RBMS3: variants seen among roughly 807,000 people sequenced by gnomAD.
The protein encoded by RBMS3 is RNA-binding motif, single-stranded-interacting protein 3.
Under a neutral mutation model 66.8 loss-of-function variants are expected in RBMS3, and 27 were observed. That is an observed-to-expected ratio of 0.40 (90% confidence interval 0.30 to 0.56). RBMS3 has a LOEUF of 0.56. RBMS3 is among the 20% of genes least tolerant of loss of function. The pLI, the probability that RBMS3 is intolerant of heterozygous loss-of-function variation, is 0.40. For missense variants in RBMS3, 513 were observed against 549.5 expected, an observed-to-expected ratio of 0.93 and a Z score of 0.66; for synonymous variants, 188 against 183.0, an observed-to-expected ratio of 1.03 and a Z score of -0.22.
intron 2 of RBMS3, among the ~76,000 whole-genome samples, chr3:29,462,579 C>CCACTCTCT (rs2042407294): frequency 1.3e-5 from 2 of 152,088 alleles, no homozygotes; most frequent in Non-Finnish European, 2.9e-5. Flanking sequence ...ATAATGCTAC[C>CCACTCTCT]CACTCTCTCT....
At chr3:29,714,016 C>G (rs1319291570) in intron 4 of RBMS3, among the ~76,000 whole-genome samples, 1 of 152,014 alleles carries the variant, frequency 6.6e-6, no homozygotes, top group African/African-American at 2.4e-5. Context: ...GATTGTACCA[C>G]TGTACTCCAG....
intron 4 of RBMS3, among the ~76,000 whole-genome samples, chr3:29,728,000 A>G (rs1043061760): frequency 5.3e-5 from 8 of 152,224 alleles, no homozygotes; most frequent in Non-Finnish European, 8.8e-5. Context: ...AATCTGGCAT[A>G]TATACACCAT....
intron 3 of RBMS3, among the ~76,000 whole-genome samples, chr3:29,544,699 A>ATGTGTGTGTGTGTGTGTGTGTGTG (rs138879910): frequency 0.015 from 2,275 of 150,716 alleles, 55 homozygotes; most frequent in African/African-American, 0.052. Context: ...TGAAATGTAA[A>ATGTGTGTGTGTGTGTGTGTGTGTG]TGTGTGTGTG....
intron 1 of RBMS3, among the ~76,000 whole-genome samples, chr3:29,417,915 A>C (rs1415988393): frequency 3.3e-5 from 5 of 152,140 alleles, no homozygotes; most frequent in Non-Finnish European, 7.4e-5. Context: ...TGTAAACATT[A>C]TTTTTACTCC....
chr3:29,431,972 C>G (rs1335767153), intron 1 of RBMS3, among the ~76,000 whole-genome samples: 3 of 152,262 alleles, frequency 2.0e-5, no homozygotes, highest in African/African-American at 7.2e-5. Flanking sequence ...AAGCAGTCCA[C>G]CCATCTCAGC....
intron 6 of RBMS3, among the ~76,000 whole-genome samples, chr3:29,781,310 T>G (rs554318334): frequency 6.6e-6 from 1 of 151,914 alleles, no homozygotes; most frequent in East Asian, 1.9e-4. Context: ...TGTATAGCCT[T>G]CTAAGTCTGC....
At chr3:29,960,848 C>A (rs1696384974) in intron 12 of RBMS3, among the ~76,000 whole-genome samples, 1 of 152,088 alleles carries the variant, frequency 6.6e-6, no homozygotes, top group South Asian at 2.1e-4. Context: ...AGGCTGCACA[C>A]AGTGAAGGGA....
chr3:29,701,271 CTG>C (rs2052560688), intron 4 of RBMS3, among the ~76,000 whole-genome samples: 1 of 151,394 alleles, frequency 6.6e-6, no homozygotes, highest in Admixed American at 6.6e-5. Context: ...GAGCGAGACT[CTG>C]TCTCAAAAGA....
At chr3:29,490,139 A>G (rs2148916582) in intron 3 of RBMS3, among the ~76,000 whole-genome samples, 1 of 149,062 alleles carries the variant, frequency 6.7e-6, no homozygotes, top group South Asian at 2.1e-4. Context: ...GATATTTTAA[A>G]TTTAAAATTT....
At chr3:29,303,874 G>A (rs1476534937) in intron 1 of RBMS3, among the ~76,000 whole-genome samples, 1 of 151,998 alleles carries the variant, frequency 6.6e-6, no homozygotes, top group Non-Finnish European at 1.5e-5. Flanking sequence ...CAGAATCATG[G>A]TGGGAGGTGA....
intron 1 of RBMS3, among the ~76,000 whole-genome samples, chr3:29,368,276 G>A (rs2038013141): frequency 6.6e-6 from 1 of 152,150 alleles, no homozygotes. Flanking sequence ...GCAGCTCTGT[G>A]AACTAGCAAA....
At chr3:29,637,846 TA>T in intron 4 of RBMS3, among the ~76,000 whole-genome samples, 1 of 151,806 alleles carries the variant, frequency 6.6e-6, no homozygotes, top group Middle Eastern at 3.2e-3. Context: ...TTAAAAGCAA[TA>T]AACTTGCCTG....
intron 1 of RBMS3, among the ~76,000 whole-genome samples, chr3:29,379,838 A>G (rs1361359014): frequency 1.3e-5 from 2 of 152,232 alleles, no homozygotes; most frequent in African/African-American, 2.4e-5. Context: ...TAGACAAACA[A>G]CACATTAATA....
chr3:29,806,806 A>T (rs2057563360), intron 6 of RBMS3, among the ~76,000 whole-genome samples: 1 of 151,938 alleles, frequency 6.6e-6, no homozygotes, highest in Non-Finnish European at 1.5e-5. Flanking sequence ...ACTGAATATT[A>T]TTCGTTGAGT....
At chr3:29,503,338 T>G (rs1226135223) in intron 3 of RBMS3, among the ~76,000 whole-genome samples, 1 of 152,094 alleles carries the variant, frequency 6.6e-6, no homozygotes, top group African/African-American at 2.4e-5. Context: ...TTACCGAGAT[T>G]TACCTTGTCA....
chr3:29,313,438 G>A (rs2034497238), intron 1 of RBMS3, among the ~76,000 whole-genome samples: 1 of 151,708 alleles, frequency 6.6e-6, no homozygotes, highest in Non-Finnish European at 1.5e-5. Flanking sequence ...AAGGCACTGT[G>A]TATATTGCTT....
intron 4 of RBMS3, among the ~76,000 whole-genome samples, chr3:29,713,665 T>A (rs1414680564): frequency 1.3e-5 from 2 of 152,182 alleles, no homozygotes; most frequent in African/African-American, 4.8e-5. Flanking sequence ...GTTTTATACT[T>A]TAATGCATTC....
intron 10 of RBMS3, among the ~76,000 whole-genome samples, chr3:29,912,469 G>A (rs2060540457): frequency 6.6e-6 from 1 of 152,026 alleles, no homozygotes; most frequent in South Asian, 2.1e-4. Context: ...AAGGAGGTGT[G>A]TTAAAAACAA....
At chr3:29,289,774 G>T (rs981880437) in intron 1 of RBMS3, among the ~76,000 whole-genome samples, 1 of 151,732 alleles carries the variant, frequency 6.6e-6, no homozygotes, top group African/African-American at 2.4e-5. Flanking sequence ...AGTTTTAGGA[G>T]CTGACATTTA....
Sources: allele counts gnomAD v4.1 joint callset (sites outside exome capture counted in the v4.1 genomes callset), GRCh38; gene constraint gnomAD v4.1.1; transcripts MANE v1.5; gene names NCBI Gene and HGNC (gene_info 2026-07-23, HGNC 2026-07-21).